Variants in NWD1 observed in about 807,000 individuals in gnomAD.
The protein encoded by NWD1 is NACHT and WD repeat domain containing 1, also known as NACHT domain- and WD repeat-containing protein 1.
In NWD1, 129 loss-of-function variants were observed where a neutral mutation model predicts 135.1. The ratio of observed to expected loss-of-function variants is 0.96; its 90% CI spans 0.83 to 1.11. NWD1 has a LOEUF of 1.11. Among genes scored for constraint, NWD1 ranks in the 50% least tolerant of loss-of-function variants. The probability of loss-of-function intolerance (pLI) is 0.00; values close to 1 mark genes in which losing one functional copy is unlikely to be tolerated. For synonymous variants in NWD1, 773 were observed against 786.0 expected (o/e 0.98, Z 0.28); for missense variants, 1,740 against 1,851.3 (o/e 0.94, Z 1.10).
chr19:16,738,566 CAA>C (rs770498066), intron 4 of NWD1, among the ~76,000 whole-genome samples: 1,014 of 91,460 alleles, frequency 0.011, 15 homozygotes, highest in African/African-American at 0.036. Flanking sequence ...GAGACTCTGT[CAA>C]AAAAAAAAAA....
In NWD1 at chr19:16,794,487, C is replaced by T. The variant is rs770560809; in HGVS notation, c.3238C>T (p.Leu1080=). 75 of 1,611,488 alleles carry T rather than the reference C, an allele frequency of 4.7e-5. No individual in the cohort carries two copies. Among genetic ancestry groups the T allele is most frequent in the Non-Finnish European group, 6.1e-5 (72 of 1,178,520 alleles). ...GGTTTCCTCCAAAGGGGACAGATTG[C>T]TGGAGAAGCTTCCAGATGCTGTGAG... ...SLVSSKGDRL[L]EKLPDAVRFL... is the part of the protein sequence containing the mutation. The change falls in exon 15 of 19, where the codon CTG becomes TTG. Residue 1080 remains leucine, a synonymous_variant. Transcript: ENST00000524140.
At chr19:16,746,296 A>G (rs11879175) in intron 5 of NWD1, among the ~76,000 whole-genome samples, 5,229 of 149,812 alleles carry the variant, frequency 0.035, 143 homozygotes, top group Middle Eastern at 0.077. Flanking sequence ...GGAGGCGGAG[A>G]TTGCAGTGAA....
intron 10 of NWD1, among the ~76,000 whole-genome samples, chr19:16,767,276 T>C (rs1239963317): frequency 6.8e-6 from 1 of 146,928 alleles, no homozygotes; most frequent in Non-Finnish European, 1.5e-5. Context: ...GCCTCCTGGG[T>C]TCATGCATGG....
In NWD1 at chr19:16,817,058, T is replaced by C. The variant is rs1286234541; in HGVS notation, c.*2019T>C. On this transcript the variant is annotated 3_prime_UTR_variant, in exon 19 of 19. Transcript: ENST00000524140. ...GCTCACACCTGTGGTCCCAGCTCTTTGGAAGGCCGAGGCAGGTGGATCACC... is the reference window on the plus strand; with the variant it reads ...GCTCACACCTGTGGTCCCAGCTCTTCGGAAGGCCGAGGCAGGTGGATCACC... 1 of 152,132 alleles carries C rather than the reference T, an allele frequency of 6.6e-6. No homozygotes were observed. The highest frequency in any genetic ancestry group is 1.5e-5 in the Non-Finnish European group (1 of 68,038). The allele number at this position is 152,132 out of a possible 1,614,324, so 9.4% of individuals were successfully genotyped here.
intron 12 of NWD1, among the ~76,000 whole-genome samples, chr19:16,781,780 C>T (rs1969861295): frequency 1.3e-5 from 2 of 151,964 alleles, no homozygotes; most frequent in African/African-American, 4.8e-5. Flanking sequence ...ATCAAGTCAT[C>T]GAAAATTAGC....
chr19:16,742,149 C>T (rs918878866), intron 4 of NWD1, among the ~76,000 whole-genome samples: 2 of 151,826 alleles, frequency 1.3e-5, no homozygotes, highest in South Asian at 2.1e-4. Flanking sequence ...CTGAAGCAGG[C>T]GGATCACCTG....
intron 1 of NWD1, among the ~76,000 whole-genome samples, chr19:16,722,258 C>T (rs995470904): frequency 6.6e-6 from 1 of 151,204 alleles, no homozygotes; most frequent in Non-Finnish European, 1.5e-5. Context: ...ACAATAGTGC[C>T]ACTGCACTCC....
chr19:16,763,629 T>C (rs1461410541), intron 8 of NWD1, among the ~76,000 whole-genome samples, 199 bp from the exon 9 acceptor site: 1 of 152,194 alleles, frequency 6.6e-6, no homozygotes, highest in African/African-American at 2.4e-5. Context: ...TCCCATGACC[T>C]CTGGCTTTGA....
At chr19:16,745,657 T>C (rs1245127150) in intron 5 of NWD1, among the ~76,000 whole-genome samples, 1 of 152,054 alleles carries the variant, frequency 6.6e-6, no homozygotes, top group African/African-American at 2.4e-5. Flanking sequence ...GGAGGATTGC[T>C]TGAGCCCAGG....
chr19:16,791,270 G>A, intron 13 of NWD1, 80 bp from the exon 14 acceptor site: 1 of 1,221,622 alleles, frequency 8.2e-7, no homozygotes, highest in Non-Finnish European at 1.2e-6. Flanking sequence ...TACAAGAGAA[G>A]GCATCTTGCA....
Position 16,797,716 on chromosome 19 carries a change from G to C in NWD1, c.3305-16G>C, listed in dbSNP as rs565889851. Reference sequence around the variant, plus strand: ...TCTGGACATGAGAGGTGTAACCCCAGTTCCTGCCGTTTCAGGCTTTGGAAG... The same window carrying C: ...TCTGGACATGAGAGGTGTAACCCCACTTCCTGCCGTTTCAGGCTTTGGAAG... On this transcript the variant is annotated splice_polypyrimidine_tract_variant and intron_variant, in intron 15 of 18. Coordinates refer to ENST00000524140, the MANE Select transcript of NWD1 (RefSeq NM_001007525.5). The C allele has an allele frequency of 6.2e-7, 1 of 1,611,930 alleles. No individual in the cohort carries two copies. The highest frequency in any genetic ancestry group is 2.2e-5 in the East Asian group (1 of 44,858).
chr19:16,764,079 G>T (rs1474893912), intron 9 of NWD1, 134 bp downstream of exon 9: 2 of 615,724 alleles, frequency 3.2e-6, no homozygotes, highest in Non-Finnish European at 5.8e-6. Flanking sequence ...CTCACAAGGG[G>T]CAATTCTACA....
In NWD1 at chr19:16,749,212, A is replaced by C. The variant is rs1968446550; in HGVS notation, c.570A>C (p.Arg190Ser). Residue 190 changes from arginine to serine, a missense_variant, in exon 6 of 19, where the codon AGA becomes AGC. Transcript: ENST00000524140. ...DREQGATVFL[R>S]EIQDLHKHIL... ...AACAGGGAGCCACCGTCTTCCTTAG[A>C]GAGATCCAAGACCTCCACAAACACA... is the stretch of plus-strand genomic sequence containing the variant. The C allele has an allele frequency of 6.2e-7, 1 of 1,613,976 alleles. No homozygotes were observed. The highest frequency in any genetic ancestry group is 8.5e-7 in the Non-Finnish European group (1 of 1,180,014).
intron 13 of NWD1, 103 bp downstream of exon 13, chr19:16,789,293 G>A (rs1374477337): frequency 2.3e-6 from 2 of 877,858 alleles, no homozygotes; most frequent in African/African-American, 1.7e-5. Flanking sequence ...CAGTGATGGG[G>A]TGGGGGTGTA....
intron 6 of NWD1, among the ~76,000 whole-genome samples, chr19:16,756,022 A>C (rs982375575): frequency 6.6e-6 from 1 of 152,152 alleles, no homozygotes; most frequent in African/African-American, 2.4e-5. Context: ...CATGTATTTC[A>C]TATGTTCTAT....
At chr19:16,804,040 G>A (rs149297280) in intron 17 of NWD1, among the ~76,000 whole-genome samples, 176 of 152,308 alleles carry the variant, frequency 1.2e-3, no homozygotes, top group African/African-American at 4.0e-3. Context: ...TTTAATTCAG[G>A]TTACCTAGAA....
intron 17 of NWD1, 39 bp from the exon 18 acceptor site, chr19:16,807,547 C>A: frequency 6.8e-7 from 1 of 1,473,592 alleles, no homozygotes; most frequent in South Asian, 1.4e-5. Flanking sequence ...CTGTGATTCA[C>A]TCTCAGTGTA....
chr19:16,781,173 A>G (rs894580158), intron 12 of NWD1, among the ~76,000 whole-genome samples: 1 of 152,152 alleles, frequency 6.6e-6, no homozygotes, highest in African/African-American at 2.4e-5. Context: ...GATGCTGAAG[A>G]GAGATAGACG....
At chr19:16,771,675 C>T (rs1969416906) in intron 10 of NWD1, among the ~76,000 whole-genome samples, 1 of 152,108 alleles carries the variant, frequency 6.6e-6, no homozygotes, top group African/African-American at 2.4e-5. Flanking sequence ...TGATTGACAA[C>T]CTGTGGCTCC....
Sources: gnomAD v4.1 joint callset for allele counts (sites outside exome capture counted in the v4.1 genomes callset) on GRCh38, gnomAD v4.1.1 for gene constraint, MANE v1.5 for transcripts, NCBI Gene and HGNC (gene_info 2026-07-23, HGNC 2026-07-21) for gene names.